VWC2L: variants seen among roughly 807,000 people sequenced by gnomAD.
VWC2L encodes von Willebrand factor C domain-containing protein 2-like.
Under a neutral mutation model 21.6 loss-of-function variants are expected in VWC2L, and 10 were observed. The observed-to-expected ratio is 0.46, with a 90% CI of 0.29 to 0.78. The LOEUF (loss-of-function observed/expected upper bound fraction) is 0.78, where lower values mean the gene tolerates loss of function less well. Among genes scored for constraint, VWC2L ranks in the 30% least tolerant of loss-of-function variants. The pLI is 0.10. For missense variants in VWC2L, 209 were observed against 277.1 expected, an observed-to-expected ratio of 0.75 and a Z score of 1.74; for synonymous variants, 96 against 94.3, an observed-to-expected ratio of 1.02 and a Z score of -0.10.
intron 2 of VWC2L, among the ~76,000 whole-genome samples, chr2:214,433,410 T>C (rs1702633131): frequency 6.6e-6 from 1 of 152,072 alleles, no homozygotes; most frequent in Non-Finnish European, 1.5e-5. Context: ...GTACTACTCA[T>C]AATTTCACAT....
At chr2:214,433,659 T>G (rs1702636001) in intron 2 of VWC2L, among the ~76,000 whole-genome samples, 1 of 152,184 alleles carries the variant, frequency 6.6e-6, no homozygotes, top group African/African-American at 2.4e-5. Flanking sequence ...TGGGAAGGAT[T>G]TTTAAAGTTT....
chr2:214,480,016 TAAC>T (rs986762976), intron 3 of VWC2L, among the ~76,000 whole-genome samples: 2 of 152,196 alleles, frequency 1.3e-5, no homozygotes, highest in Admixed American at 6.5e-5. Context: ...TAATGTAGTA[TAAC>T]AACTACTTAC....
At chr2:214,563,546 CAA>C (rs55864016) in intron 3 of VWC2L, among the ~76,000 whole-genome samples, 4 of 95,868 alleles carry the variant, frequency 4.2e-5, no homozygotes, top group East Asian at 3.1e-4. Flanking sequence ...GACTCCGTCT[CAA>C]AAAAAAAAAA....
chr2:214,499,253 CG>C (rs1406130267), intron 3 of VWC2L, among the ~76,000 whole-genome samples: 1 of 151,716 alleles, frequency 6.6e-6, no homozygotes. Context: ...CTCCTGACCT[CG>C]TGATCCACCT....
intron 3 of VWC2L, among the ~76,000 whole-genome samples, chr2:214,524,059 A>G (rs1689287028): frequency 1.3e-5 from 2 of 152,342 alleles, no homozygotes; most frequent in South Asian, 2.1e-4. Context: ...TTATTACAAG[A>G]GAACAAAATT....
intron 3 of VWC2L, among the ~76,000 whole-genome samples, chr2:214,554,125 C>T (rs1346686643): frequency 7.1e-6 from 1 of 139,948 alleles, no homozygotes; most frequent in Non-Finnish European, 1.5e-5. Flanking sequence ...CCTTTTCACC[C>T]CACAAGTCTC....
chr2:214,561,784 T>TTATATATATATATATATATATATA (rs67223012), intron 3 of VWC2L, among the ~76,000 whole-genome samples: 50 of 128,600 alleles, frequency 3.9e-4, no homozygotes, highest in African/African-American at 5.7e-4. Context: ...TCAAAAAAAA[T>TTATATATATATATATATATATATA]TATATATATA....
At position 214,523,111 on chromosome 2, in the gene VWC2L, G is replaced by C. The variant is rs552199561; in HGVS notation, c.521-52561G>C. Reference sequence around the variant, plus strand: ...TATCATTTAGTAATAACTCCTCTTTGTTTCAATGGCTAAAATGTCCAGGTC... The same window carrying C: ...TATCATTTAGTAATAACTCCTCTTTCTTTCAATGGCTAAAATGTCCAGGTC... On this transcript the variant is annotated intron_variant, in intron 3 of 3. Transcript: ENST00000312504. Among the ~76,000 whole-genome samples the C allele has an allele frequency of 3.3e-5, 5 of 152,224 alleles. No homozygotes were observed. In the South Asian group the frequency reaches 1.0e-3, roughly 32 times the overall value.
At chr2:214,479,098 TG>T (rs1418954865) in intron 3 of VWC2L, among the ~76,000 whole-genome samples, 1 of 152,162 alleles carries the variant, frequency 6.6e-6, no homozygotes, top group Admixed American at 6.5e-5. Context: ...CTAATAACTT[TG>T]ATCTTGCAGA....
rs192012700 is a variant in VWC2L at position 214,459,290 on chromosome 2, T to C, written c.520+22532T>C. Among the ~76,000 whole-genome samples the C allele has an allele frequency of 4.3e-4, 65 of 152,334 alleles. No homozygotes were observed. The Middle Eastern group carries it at 0.02, about 48-fold the overall frequency. On this transcript the variant is annotated intron_variant, in intron 3 of 3. Coordinates refer to ENST00000312504, the MANE Select transcript of VWC2L (RefSeq NM_001080500.4). ...ACTTCTTCCATCCTTTTACTTTCAA[T>C]GTATAAGTGTCTTTAAGGGGGAAGT...
chr2:214,500,582 G>C (rs568130131), intron 3 of VWC2L, among the ~76,000 whole-genome samples: 13 of 152,330 alleles, frequency 8.5e-5, no homozygotes, highest in Non-Finnish European at 1.5e-5. Flanking sequence ...GCCAGCTTCT[G>C]AAGACCTTTC....
In VWC2L at chr2:214,414,343, G is replaced by T; in HGVS notation, c.150G>T (p.Gly50=). 2 of 1,613,878 alleles carry T rather than the reference G, an allele frequency of 1.2e-6. No homozygotes were observed. Among genetic ancestry groups the T allele is most frequent in the Non-Finnish European group, 1.7e-6 (2 of 1,179,834 alleles). The change falls in exon 2 of 4, where the codon GGG becomes GGT. Residue 50 remains glycine, a synonymous_variant. Coordinates refer to ENST00000312504, the MANE Select transcript of VWC2L (RefSeq NM_001080500.4). ...ATCTGATCTTTGATGACTATCGAGG[G>T]AAAGGGTGTGTCGATGACAGCGGCT... ...NDNLIFDDYR[G]KGCVDDSGFV...
intron 3 of VWC2L, among the ~76,000 whole-genome samples, chr2:214,505,899 T>C (rs1258830610): frequency 6.6e-6 from 1 of 152,220 alleles, no homozygotes; most frequent in Non-Finnish European, 1.5e-5. Flanking sequence ...GAGACTTTTT[T>C]AAATCTCCAA....
At chr2:214,537,710 T>C (rs945550808) in intron 3 of VWC2L, among the ~76,000 whole-genome samples, 1 of 152,098 alleles carries the variant, frequency 6.6e-6, no homozygotes, top group African/African-American at 2.4e-5. Context: ...ACCACATAAT[T>C]ATATAACATT....
At chr2:214,460,480 T>TTG (rs147820603) in intron 3 of VWC2L, among the ~76,000 whole-genome samples, 3 of 152,126 alleles carry the variant, frequency 2.0e-5, no homozygotes, top group South Asian at 4.2e-4. Context: ...TTGTGTGTGT[T>TTG]TGTGTGTGTG....
At chr2:214,432,605 T>C (rs1461865719) in intron 2 of VWC2L, among the ~76,000 whole-genome samples, 2 of 152,218 alleles carry the variant, frequency 1.3e-5, no homozygotes, top group Non-Finnish European at 1.5e-5. Context: ...ATTGTGATTT[T>C]AGTTGCCTAA....
At chr2:214,490,146 C>G (rs1356205073) in intron 3 of VWC2L, among the ~76,000 whole-genome samples, 1 of 152,052 alleles carries the variant, frequency 6.6e-6, no homozygotes, top group Non-Finnish European at 1.5e-5. Flanking sequence ...TCAGTTGGAT[C>G]CCAAAGGCAG....
chr2:214,575,763 C>T lies in VWC2L; in HGVS notation c.612C>T (p.Asp204=), dbSNP rs774809053. 1.1e-5 allele frequency: 17 copies of T among 1,613,430 alleles called. No individual in the cohort carries two copies. The highest frequency in any genetic ancestry group is 1.4e-5 in the Non-Finnish European group (17 of 1,179,558). Residue 204 remains aspartate (D), a synonymous_variant, in exon 4 of 4, where the codon GAC becomes GAT. Transcript: ENST00000312504. ...ECNICHCHNG[D]WWKPAQCSKR... ...ACATCTGTCATTGTCACAACGGGGA[C>T]TGGTGGAAGCCTGCTCAGTGTTCGA...
intron 3 of VWC2L, among the ~76,000 whole-genome samples, chr2:214,506,688 T>G (rs67465824): frequency 8.8e-5 from 6 of 67,866 alleles, no homozygotes; most frequent in Non-Finnish European, 2.0e-4. Flanking sequence ...GAAAATATTA[T>G]AATAAATTCG....
Sources: allele counts gnomAD v4.1 joint callset (sites outside exome capture counted in the v4.1 genomes callset), GRCh38; gene constraint gnomAD v4.1.1; transcripts MANE v1.5; gene names NCBI Gene and HGNC (gene_info 2026-07-23, HGNC 2026-07-21).